The following REEP5 variants were observed in gnomAD, a reference collection of about 807,000 sequenced individuals.
REEP5 encodes the protein receptor accessory protein 5.
In REEP5, 24 loss-of-function variants were observed where a neutral mutation model predicts 22.4. The ratio of observed to expected loss-of-function variants is 1.07; its 90% CI spans 0.78 to 1.51. The LOEUF (loss-of-function observed/expected upper bound fraction) is 1.51, where lower values mean the gene tolerates loss of function less well. Among genes scored for constraint, REEP5 ranks in the 40% most tolerant of loss-of-function variants. The probability of loss-of-function intolerance (pLI) is 0.00; values close to 1 mark genes in which losing one functional copy is unlikely to be tolerated. For synonymous variants in REEP5, 103 were observed against 88.6 expected (o/e 1.16, Z -0.92); for missense variants, 252 against 233.0 (o/e 1.08, Z -0.53).
chr5:112,904,788 T>C (rs1768919139), intron 2 of REEP5, among the ~76,000 whole-genome samples: 1 of 152,132 alleles, frequency 6.6e-6, no homozygotes, highest in Non-Finnish European at 1.5e-5. Context: ...GTTCCACAGA[T>C]TGAAAAACAG....
At chr5:112,912,217 T>TATG (rs1769120071) in intron 2 of REEP5, among the ~76,000 whole-genome samples, 1 of 152,178 alleles carries the variant, frequency 6.6e-6, no homozygotes, top group South Asian at 2.1e-4. Flanking sequence ...CATATACACA[T>TATG]GCTTTTGGCT....
chr5:112,921,110 T>C, intron 2 of REEP5, 53 bp downstream of exon 2: 1 of 1,559,250 alleles, frequency 6.4e-7, no homozygotes, highest in Non-Finnish European at 8.8e-7. Flanking sequence ...GCAGCAGCCC[T>C]GCGGGGAGGA....
intron 3 of REEP5, among the ~76,000 whole-genome samples, 174 bp downstream of exon 3, chr5:112,902,206 G>A (rs1261206290): frequency 9.2e-6 from 1 of 108,888 alleles, no homozygotes; most frequent in Non-Finnish European, 1.8e-5. Context: ...TGGCTTGCTT[G>A]AGCATTTTTT....
At chr5:112,892,081 G>A (rs752976701) in intron 3 of REEP5, 28 of 1,606,152 alleles carry the variant, frequency 1.7e-5, no homozygotes, top group Non-Finnish European at 2.2e-5. Flanking sequence ...GCTGGATCAG[G>A]CTGAAAATGA....
At chr5:112,899,184 T>C (rs1354018144) in intron 3 of REEP5, among the ~76,000 whole-genome samples, 2 of 151,852 alleles carry the variant, frequency 1.3e-5, no homozygotes, top group Admixed American at 1.3e-4. Flanking sequence ...GCTCAAACCA[T>C]CCTCCCACCT....
chr5:112,912,541 T>A (rs1051567220), intron 2 of REEP5, among the ~76,000 whole-genome samples: 3 of 152,264 alleles, frequency 2.0e-5, no homozygotes, highest in Non-Finnish European at 4.4e-5. Flanking sequence ...AGGAATCATC[T>A]TCTGGTCCAT....
chr5:112,907,834 G>C (rs1031023745), intron 2 of REEP5, among the ~76,000 whole-genome samples: 1 of 152,110 alleles, frequency 6.6e-6, no homozygotes, highest in Non-Finnish European at 1.5e-5. Flanking sequence ...TATTGACAGG[G>C]AAAGATGTCC....
rs867857656 is a variant in REEP5 at position 112,878,058 on chromosome 5, C to G, written c.*728G>C. 1 of 147,216 alleles carries G rather than the reference C, an allele frequency of 6.8e-6. No individual in the cohort carries two copies. Among genetic ancestry groups the G allele is most frequent in the Non-Finnish European group, 1.5e-5 (1 of 66,042 alleles). 9.1% of individuals were successfully genotyped at this position (147,216 alleles called of 1,614,324 possible). ...ATTTATCACTAGAGTGAGTAACTAA[C>G]TAACTAACTGCTTTATAAAGCTATC... On this transcript the variant is annotated 3_prime_UTR_variant, in exon 5 of 5. Coordinates refer to ENST00000379638, the MANE Select transcript of REEP5 (RefSeq NM_005669.5).
In REEP5 at chr5:112,919,306, G is replaced by A. The variant is rs372924797; in HGVS notation, c.212+1857C>T. ...CTCACGCCTGTAATCCCAGTACTTT[G>A]GGAGGCTGAGACAGGTGGATCACCT... is the stretch of plus-strand genomic sequence containing the variant. On this transcript the variant is annotated intron_variant, in intron 2 of 4. Coordinates refer to ENST00000379638, the MANE Select transcript of REEP5 (RefSeq NM_005669.5). Among the ~76,000 whole-genome samples, 30 of 152,140 alleles carry A rather than the reference G, an allele frequency of 2.0e-4. 1 individual carries two copies. The highest frequency in any genetic ancestry group is 7.0e-4 in the African/African-American group (29 of 41,428).
chr5:112,914,543 G>A (rs982301649), intron 2 of REEP5, among the ~76,000 whole-genome samples: 2 of 152,148 alleles, frequency 1.3e-5, no homozygotes, highest in African/African-American at 2.4e-5. Context: ...AAAGATTAAT[G>A]CCAGGAGCAA....
At chr5:112,921,130 G>C in intron 2 of REEP5, 33 bp downstream of exon 2, 1 of 1,601,092 alleles carries the variant, frequency 6.2e-7, no homozygotes, top group Non-Finnish European at 8.6e-7. Flanking sequence ...AATGGAGGAA[G>C]GGAAGGGGAC....
chr5:112,897,451 A>C (rs77559717), intron 3 of REEP5: 2,623 of 152,280 alleles, frequency 0.017, 50 homozygotes, highest in Middle Eastern at 0.027. Context: ...TATCTCCCAG[A>C]TGTAGAACAG....
intron 4 of REEP5, among the ~76,000 whole-genome samples, 171 bp from the exon 5 acceptor site, chr5:112,879,006 T>G (rs942755309): frequency 6.6e-6 from 1 of 151,690 alleles, no homozygotes; most frequent in Non-Finnish European, 1.5e-5. Context: ...TTCCAGGAAA[T>G]GGAGAAGGTA....
At chr5:112,902,548 AT>A in intron 2 of REEP5, 30 bp from the exon 3 acceptor site, 1 of 1,533,778 alleles carries the variant, frequency 6.5e-7, no homozygotes, top group Non-Finnish European at 8.8e-7. Context: ...AAAGTATATC[AT>A]TTGGTAAGAT....
intron 2 of REEP5, among the ~76,000 whole-genome samples, chr5:112,919,481 T>A (rs1021437288): frequency 9.7e-6 from 1 of 103,152 alleles, no homozygotes; most frequent in African/African-American, 3.8e-5. Context: ...TTGGCGGGGG[T>A]GGGGGCGGCC....
At chr5:112,886,889 C>A in intron 4 of REEP5, 126 bp downstream of exon 4, 1 of 638,948 alleles carries the variant, frequency 1.6e-6, no homozygotes, top group African/African-American at 1.8e-5. Flanking sequence ...GTAAAGAAAT[C>A]CCAGAGTAAT....
At chr5:112,912,991 C>A (rs1488345180) in intron 2 of REEP5, among the ~76,000 whole-genome samples, 2 of 152,148 alleles carry the variant, frequency 1.3e-5, no homozygotes, top group African/African-American at 4.8e-5. Flanking sequence ...AGAAAACCAA[C>A]AAACAGTACG....
chr5:112,894,362 A>T (rs953246314), intron 3 of REEP5: 1 of 152,132 alleles, frequency 6.6e-6, no homozygotes. Flanking sequence ...TGATCTGCCC[A>T]CCTTGGCCTC....
intron 2 of REEP5, among the ~76,000 whole-genome samples, chr5:112,916,116 A>T (rs1412155678): frequency 6.6e-6 from 1 of 152,238 alleles, no homozygotes; most frequent in Non-Finnish European, 1.5e-5. Context: ...ACCTTAAGCA[A>T]GTAGACTGCA....
Sources: gnomAD v4.1 joint callset for allele counts (sites outside exome capture counted in the v4.1 genomes callset) on GRCh38, gnomAD v4.1.1 for gene constraint, MANE v1.5 for transcripts, NCBI Gene and HGNC (gene_info 2026-07-23, HGNC 2026-07-21) for gene names.